MAGI2: variants seen among roughly 807,000 people sequenced by gnomAD.
MAGI2 encodes membrane-associated guanylate kinase, WW and PDZ domain-containing protein 2.
MAGI2 carries 35 observed loss-of-function variants against 133.3 expected under a neutral mutation model. The ratio of observed to expected loss-of-function variants is 0.26; its 90% confidence interval spans 0.20 to 0.35. The LOEUF (loss-of-function observed/expected upper bound fraction) is 0.35, where lower values mean the gene tolerates loss of function less well. Ranked by LOEUF, MAGI2 falls within the 10% of genes least tolerant of loss-of-function variation. MAGI2 has a pLI of 1.00. For missense variants in MAGI2, 1,636 were observed against 1,863.4 expected, an observed-to-expected ratio of 0.88 and a Z score of 2.25; for synonymous variants, 729 against 710.6, an observed-to-expected ratio of 1.03 and a Z score of -0.41.
intron 1 of MAGI2, among the ~76,000 whole-genome samples, chr7:79,369,865 T>G (rs996451048): frequency 6.6e-6 from 1 of 152,210 alleles, no homozygotes; most frequent in African/African-American, 2.4e-5. Flanking sequence ...TAGATAAATT[T>G]GAGGTTTTAC....
intron 6 of MAGI2, among the ~76,000 whole-genome samples, chr7:78,450,848 A>G (rs377183434): frequency 2.0e-5 from 3 of 152,208 alleles, no homozygotes; most frequent in South Asian, 4.1e-4. Context: ...CATTCATTCA[A>G]TACTTGGTCT....
intron 1 of MAGI2, among the ~76,000 whole-genome samples, chr7:79,294,919 T>A (rs541872949): frequency 6.6e-6 from 1 of 150,918 alleles, no homozygotes; most frequent in East Asian, 2.0e-4. Context: ...TTTTTTTTTT[T>A]AGTAGAGACG....
chr7:78,524,622 G>A (rs1324352842), intron 3 of MAGI2, among the ~76,000 whole-genome samples: 5 of 152,124 alleles, frequency 3.3e-5, no homozygotes, highest in African/African-American at 7.2e-5. Context: ...GTTGCTAAAT[G>A]TTACTATGTA....
At chr7:79,248,612 G>GT (rs1832988330) in intron 1 of MAGI2, among the ~76,000 whole-genome samples, 1 of 152,042 alleles carries the variant, frequency 6.6e-6, no homozygotes, top group Admixed American at 6.5e-5. Context: ...CAAATCATAA[G>GT]TTAGACCACA....
At chr7:78,651,343 T>C (rs1307760875) in intron 2 of MAGI2, among the ~76,000 whole-genome samples, 1 of 152,022 alleles carries the variant, frequency 6.6e-6, no homozygotes, top group Non-Finnish European at 1.5e-5. Flanking sequence ...ATAATAGAGA[T>C]GAGGTAAGTT....
At position 78,113,817 on chromosome 7, in the gene MAGI2, A is replaced by T. The variant is rs550934006; in HGVS notation, c.3567+11877T>A. Among the ~76,000 whole-genome samples the T allele has an allele frequency of 1.1e-4, 17 of 152,294 alleles. No individual in the cohort carries two copies. In the South Asian group the frequency reaches 3.5e-3, roughly 32 times the overall value. ...CAGGCCTTGGGGAGAACAAGAGAGT[A>T]GAAGAATAGAAGAAATTTCAGAAAT... On this transcript the variant is annotated intron_variant, in intron 20 of 21. Transcript: ENST00000354212.
intron 2 of MAGI2, among the ~76,000 whole-genome samples, chr7:78,689,606 T>C (rs369378510): frequency 1.3e-5 from 2 of 151,802 alleles, no homozygotes; most frequent in East Asian, 3.9e-4. Flanking sequence ...CTGCTTTCTG[T>C]CACTATAGAT....
chr7:78,715,518 T>C (rs576681594), intron 2 of MAGI2, among the ~76,000 whole-genome samples: 19 of 152,302 alleles, frequency 1.2e-4, no homozygotes, highest in African/African-American at 4.6e-4. Context: ...TAGATTTAAG[T>C]AATAACTCAA....
chr7:78,125,742 C>T lies in MAGI2; in HGVS notation c.3519G>A (p.Val1173=), dbSNP rs776504109. The change falls in exon 20 of 22, where the codon GTG becomes GTA. Residue 1173 remains valine (V), a synonymous_variant. Coordinates refer to ENST00000354212, the MANE Select transcript of MAGI2 (RefSeq NM_012301.4). ...GGREYKMDLY[V]LRLAEDGPAI... The stretch of plus-strand genomic sequence containing the variant: ...CTGGTCCATCTTCTGCCAGTCTCAA[C>T]ACATACAAATCCATTTTGTATTCCC... 1.5e-5 allele frequency: 25 copies of T among 1,613,920 alleles called. No homozygotes were observed. The African/African-American group carries it at 2.3e-4, about 15-fold the overall frequency.
chr7:78,710,525 GT>G (rs148071003), intron 2 of MAGI2, among the ~76,000 whole-genome samples: 7,549 of 152,202 alleles, frequency 0.05, 272 homozygotes, highest in Non-Finnish European at 0.076. Context: ...TGAATCTGGA[GT>G]TTTATCTGTC....
chr7:79,410,241 G>A (rs1282212952), intron 1 of MAGI2: 1 of 152,074 alleles, frequency 6.6e-6, no homozygotes, highest in African/African-American at 2.4e-5. Flanking sequence ...AGTGAAAGCT[G>A]AAAATCTGGT....
chr7:78,226,301 C>T (rs1789374387), intron 10 of MAGI2, among the ~76,000 whole-genome samples: 1 of 136,828 alleles, frequency 7.3e-6, no homozygotes, highest in Non-Finnish European at 1.5e-5. Flanking sequence ...AGAGTGACTG[C>T]AGAAAGTATA....
intron 1 of MAGI2, among the ~76,000 whole-genome samples, chr7:79,365,555 T>G (rs1048041551): frequency 9.2e-5 from 14 of 152,024 alleles, no homozygotes; most frequent in African/African-American, 3.4e-4. Flanking sequence ...TAACAAGCTA[T>G]TTTTTTAAAG....
intron 20 of MAGI2, among the ~76,000 whole-genome samples, chr7:78,097,796 T>A (rs933100526): frequency 6.6e-6 from 1 of 152,058 alleles, no homozygotes; most frequent in Non-Finnish European, 1.5e-5. Flanking sequence ...AACCTTCACA[T>A]GTATGCCCAA....
At chr7:79,304,203 C>CTGTGTG (rs1184824177) in intron 1 of MAGI2, among the ~76,000 whole-genome samples, 6,027 of 135,348 alleles carry the variant, frequency 0.045, 334 homozygotes, top group African/African-American at 0.13. Flanking sequence ...GTGTGTGTGT[C>CTGTGTG]TGTGTGTGTG....
At chr7:78,300,029 A>T (rs1310506379) in intron 9 of MAGI2, among the ~76,000 whole-genome samples, 1 of 152,168 alleles carries the variant, frequency 6.6e-6, no homozygotes, top group Admixed American at 6.5e-5. Flanking sequence ...AAAAAATTAC[A>T]TCTTGATTTT....
At chr7:78,106,775 A>G (rs1004252321) in intron 20 of MAGI2, among the ~76,000 whole-genome samples, 7 of 152,084 alleles carry the variant, frequency 4.6e-5, no homozygotes, top group Non-Finnish European at 8.8e-5. Context: ...TGTCAGGTAG[A>G]CAGTTTGTAG....
intron 1 of MAGI2, among the ~76,000 whole-genome samples, chr7:79,076,413 A>AT (rs758406036): frequency 2.4e-4 from 37 of 152,234 alleles, no homozygotes; most frequent in Non-Finnish European, 4.4e-4. Context: ...ATTTCCATCA[A>AT]TTGTCTTATA....
chr7:78,332,404 TA>T (rs1289443722), intron 9 of MAGI2, among the ~76,000 whole-genome samples: 1 of 152,164 alleles, frequency 6.6e-6, no homozygotes, highest in Non-Finnish European at 1.5e-5. Context: ...TGTGTCATTA[TA>T]AAAGGAGAGT....
Sources: gnomAD v4.1 joint callset for allele counts (sites outside exome capture counted in the v4.1 genomes callset) on GRCh38, gnomAD v4.1.1 for gene constraint, MANE v1.5 for transcripts, NCBI Gene and HGNC (gene_info 2026-07-23, HGNC 2026-07-21) for gene names.